ROBO2: variants seen among roughly 807,000 people sequenced by gnomAD.
The protein encoded by ROBO2 is roundabout guidance receptor 2.
In ROBO2, 53 loss-of-function variants were observed where a neutral mutation model predicts 160.8. The ratio of observed to expected loss-of-function variants is 0.33; its 90% CI spans 0.26 to 0.41. The LOEUF is 0.41. ROBO2 is among the 10% of genes least tolerant of loss of function. The pLI is 1.00. For missense variants in ROBO2, 1,577 were observed against 1,722.4 expected (o/e 0.92, Z 1.49); for synonymous variants, 664 against 611.7 (o/e 1.09, Z -1.26).
chr3:76,707,161 C>T (rs771853877), intron 2 of ROBO2, among the ~76,000 whole-genome samples: 1 of 151,848 alleles, frequency 6.6e-6, no homozygotes, highest in African/African-American at 2.4e-5. Flanking sequence ...TGTTTTAAAG[C>T]CAGAAGAGCA....
At chr3:76,908,019 T>A (rs2075731749) in intron 2 of ROBO2, among the ~76,000 whole-genome samples, 1 of 152,122 alleles carries the variant, frequency 6.6e-6, no homozygotes, top group African/African-American at 2.4e-5. Context: ...TTTCTATTGT[T>A]AGTAGAAACG....
At chr3:76,276,296 A>G (rs903846703) in intron 2 of ROBO2, among the ~76,000 whole-genome samples, 5 of 152,058 alleles carry the variant, frequency 3.3e-5, no homozygotes, top group South Asian at 2.1e-4. Context: ...ATATCTATCA[A>G]TGTCCAATAT....
intron 2 of ROBO2, among the ~76,000 whole-genome samples, chr3:76,905,689 G>T (rs2075555291): frequency 6.6e-6 from 1 of 151,984 alleles, no homozygotes. Flanking sequence ...TAACTCATAT[G>T]TAAAAACCCA....
intron 2 of ROBO2, among the ~76,000 whole-genome samples, chr3:76,093,099 G>A (rs1039792325): frequency 6.6e-6 from 1 of 152,012 alleles, no homozygotes; most frequent in African/African-American, 2.4e-5. Context: ...AAAGGAAGTT[G>A]ATTTGAATTT....
intron 2 of ROBO2, among the ~76,000 whole-genome samples, chr3:76,653,858 C>A (rs918596327): frequency 6.6e-6 from 1 of 152,092 alleles, no homozygotes; most frequent in East Asian, 1.9e-4. Context: ...TAGTTACCAC[C>A]GAAGATTCAG....
intron 2 of ROBO2, among the ~76,000 whole-genome samples, chr3:77,475,705 A>G (rs2083915153): frequency 1.3e-5 from 2 of 152,168 alleles, no homozygotes; most frequent in Admixed American, 6.5e-5. Flanking sequence ...GCTGTTCTGT[A>G]TTTAGAATAT....
chr3:76,868,602 A>G (rs1334638222), intron 2 of ROBO2, among the ~76,000 whole-genome samples: 1 of 152,220 alleles, frequency 6.6e-6, no homozygotes, highest in African/African-American at 2.4e-5. Flanking sequence ...TAAGTCGAAT[A>G]TATGTATCTC....
intron 2 of ROBO2, among the ~76,000 whole-genome samples, chr3:76,266,358 C>A (rs1707099535): frequency 6.6e-6 from 1 of 152,082 alleles, no homozygotes; most frequent in Non-Finnish European, 1.5e-5. Context: ...TTGCCTGTTA[C>A]TGTAAGGTTA....
chr3:77,259,471 A>T (rs1446410382), intron 2 of ROBO2, among the ~76,000 whole-genome samples: 1 of 152,196 alleles, frequency 6.6e-6, no homozygotes, highest in Non-Finnish European at 1.5e-5. Context: ...AGAAAACAAT[A>T]GGTTACTAAG....
intron 2 of ROBO2, among the ~76,000 whole-genome samples, chr3:77,151,979 A>C (rs578195583): frequency 6.6e-6 from 1 of 152,292 alleles, no homozygotes; most frequent in Non-Finnish European, 1.5e-5. Context: ...CTACTACTGT[A>C]ACTTTAGTAC....
intron 23 of ROBO2, 94 bp downstream of exon 24, chr3:77,622,526 C>A: frequency 1.0e-6 from 1 of 1,004,724 alleles, no homozygotes; most frequent in Non-Finnish European, 1.5e-6. Flanking sequence ...ATTTATTCCA[C>A]TCCATCTATT....
chr3:77,224,450 C>T (rs960293172), intron 2 of ROBO2, among the ~76,000 whole-genome samples: 2 of 152,038 alleles, frequency 1.3e-5, no homozygotes, highest in South Asian at 2.1e-4. Context: ...AAATCCTTAT[C>T]AGCCTTAGAA....
At chr3:76,490,140 A>G (rs1337301161) in intron 2 of ROBO2, among the ~76,000 whole-genome samples, 3 of 152,128 alleles carry the variant, frequency 2.0e-5, no homozygotes, top group Admixed American at 6.6e-5. Flanking sequence ...AGTCTTTTCT[A>G]CCTTCCACTT....
chr3:77,427,238 G>A (rs2078299236), intron 2 of ROBO2, among the ~76,000 whole-genome samples: 1 of 152,182 alleles, frequency 6.6e-6, no homozygotes, highest in African/African-American at 2.4e-5. Flanking sequence ...TGGAAGCATT[G>A]TCAGACCACA....
At chr3:76,832,154 A>C (rs2109331389) in intron 2 of ROBO2, among the ~76,000 whole-genome samples, 1 of 152,320 alleles carries the variant, frequency 6.6e-6, no homozygotes, top group African/African-American at 2.4e-5. Flanking sequence ...TTTCTACATA[A>C]GAATGTGAAG....
At chr3:77,134,642 C>T (rs1256482010) in intron 2 of ROBO2, among the ~76,000 whole-genome samples, 2 of 152,208 alleles carry the variant, frequency 1.3e-5, no homozygotes, top group East Asian at 3.8e-4. Flanking sequence ...TACCTGTCAA[C>T]ACTTCTGAAA....
At chr3:76,045,151 T>C (rs7609917) in intron 2 of ROBO2, among the ~76,000 whole-genome samples, 14,566 of 152,044 alleles carry the variant, frequency 0.096, 1,657 homozygotes, top group African/African-American at 0.26. Flanking sequence ...TGTTTTCATC[T>C]GAGAAAGCTG....
intron 2 of ROBO2, among the ~76,000 whole-genome samples, chr3:76,997,883 C>T (rs1441027669): frequency 6.6e-6 from 1 of 152,116 alleles, no homozygotes; most frequent in Non-Finnish European, 1.5e-5. Context: ...CCAAAATGAC[C>T]TCAGAGGGAG....
chr3:77,347,992 G>T (rs2067859811), intron 2 of ROBO2, among the ~76,000 whole-genome samples: 1 of 151,968 alleles, frequency 6.6e-6, no homozygotes, highest in Admixed American at 6.6e-5. Flanking sequence ...CCTAAAAACT[G>T]CTCCACCCAC....
Sources: gnomAD v4.1 joint callset for allele counts (sites outside exome capture counted in the v4.1 genomes callset) on GRCh38, gnomAD v4.1.1 for gene constraint, MANE v1.5 for transcripts, NCBI Gene and HGNC (gene_info 2026-07-23, HGNC 2026-07-21) for gene names.